TNFAIP8L3: variants seen among roughly 807,000 people sequenced by gnomAD.
The protein encoded by TNFAIP8L3 is tumor necrosis factor alpha-induced protein 8-like protein 3.
Under a neutral mutation model 11.8 loss-of-function variants are expected in TNFAIP8L3, and 7 were observed. That is an observed-to-expected ratio of 0.59 (90% confidence interval 0.34 to 1.11). The LOEUF (loss-of-function observed/expected upper bound fraction) is 1.11. Ranked by LOEUF, TNFAIP8L3 falls within the 50% of genes most tolerant of loss-of-function variation. The probability of loss-of-function intolerance (pLI) is 0.03; values close to 1 mark genes in which losing one functional copy is unlikely to be tolerated. For missense variants in TNFAIP8L3, 219 were observed against 258.6 expected (o/e 0.85, Z 1.05); for synonymous variants, 98 against 103.8 (o/e 0.94, Z 0.34).
intron 1 of TNFAIP8L3, among the ~76,000 whole-genome samples, chr15:51,060,052 A>G (rs1124769): frequency 0.17 from 25,804 of 152,268 alleles, 2,895 homozygotes; most frequent in East Asian, 0.44. Context: ...TAAGAGGAAT[A>G]AACACTCATT....
At chr15:51,091,676 GCACAC>G (rs2065470970) in intron 1 of TNFAIP8L3, among the ~76,000 whole-genome samples, 1 of 144,014 alleles carries the variant, frequency 6.9e-6, no homozygotes, top group Non-Finnish European at 1.5e-5. Context: ...ACCTCCTCAA[GCACAC>G]ACACACACAC....
At chr15:51,071,037 C>T (rs1457753258) in intron 1 of TNFAIP8L3, among the ~76,000 whole-genome samples, 2 of 109,766 alleles carry the variant, frequency 1.8e-5, no homozygotes, top group East Asian at 2.7e-4. Context: ...GGCGACAGAG[C>T]GAGACTCCGT....
rs934432314 is a variant in TNFAIP8L3, at chr15:51,057,434, T to G, written c.*447A>C. ...GACTTTAAATTAGAGATTCCAAAAG[T>G]ATGAACATACATCATCTCATCTGGT... On this transcript the variant is annotated 3_prime_UTR_variant, in exon 2 of 2. Coordinates refer to ENST00000637513, the MANE Select transcript of TNFAIP8L3 (RefSeq NM_001311175.2). 2 of 156,464 alleles carry G rather than the reference T, an allele frequency of 1.3e-5. No individual in the cohort carries two copies. Among genetic ancestry groups the G allele is most frequent in the Non-Finnish European group, 2.8e-5 (2 of 70,716 alleles). The allele number at this position is 156,464 out of a possible 1,614,324, so 9.7% of individuals were successfully genotyped here.
chr15:51,070,874 G>A (rs1224195213), intron 1 of TNFAIP8L3, among the ~76,000 whole-genome samples: 4 of 142,258 alleles, frequency 2.8e-5, no homozygotes, highest in Non-Finnish European at 4.7e-5. Context: ...GTGAAACCCC[G>A]TCTCTACTAA....
intron 1 of TNFAIP8L3, among the ~76,000 whole-genome samples, chr15:51,087,598 C>T (rs2065438814): frequency 6.8e-6 from 1 of 147,084 alleles, no homozygotes; most frequent in Admixed American, 6.6e-5. Context: ...CAGTGGCTGC[C>T]CCTGTGGTTT....
At chr15:51,076,968 C>T (rs925223472) in intron 1 of TNFAIP8L3, among the ~76,000 whole-genome samples, 1 of 152,160 alleles carries the variant, frequency 6.6e-6, no homozygotes, top group Admixed American at 6.5e-5. Flanking sequence ...CCGCGTTCCT[C>T]CTCTCCCGTG....
At chr15:51,083,715 G>A (rs2065407964) in intron 1 of TNFAIP8L3, among the ~76,000 whole-genome samples, 1 of 152,242 alleles carries the variant, frequency 6.6e-6, no homozygotes, top group Non-Finnish European at 1.5e-5. Flanking sequence ...GGCCAGGTGG[G>A]CTCAGAGCAG....
chr15:51,096,495 C>A (rs1303645877), upstream of TNFAIP8L3, among the ~76,000 whole-genome samples: 1 of 152,122 alleles, frequency 6.6e-6, no homozygotes, highest in Non-Finnish European at 1.5e-5. Context: ...CAATGCCTGG[C>A]ACACAGTGAA....
chr15:51,067,876 T>C (rs1158273041), intron 1 of TNFAIP8L3, among the ~76,000 whole-genome samples: 5 of 152,198 alleles, frequency 3.3e-5, no homozygotes, highest in Admixed American at 2.0e-4. Context: ...ACAATTATCC[T>C]TCCTCTTGAC....
chr15:51,069,434 A>AT (rs1290089481), intron 1 of TNFAIP8L3: 2 of 152,240 alleles, frequency 1.3e-5, no homozygotes, highest in Non-Finnish European at 2.9e-5. Flanking sequence ...ACATTGAATA[A>AT]TTACACTTGA....
chr15:51,075,825 T>C (rs981674316), intron 1 of TNFAIP8L3, among the ~76,000 whole-genome samples: 1 of 152,222 alleles, frequency 6.6e-6, no homozygotes, highest in Non-Finnish European at 1.5e-5. Flanking sequence ...GGACTGAGGC[T>C]ACTGGAAGGT....
chr15:51,057,387 C>T lies in TNFAIP8L3; in HGVS notation c.*494G>A, dbSNP rs916722733. The T allele has an allele frequency of 1.3e-5, 2 of 154,164 alleles. No homozygotes were observed. The highest frequency in any genetic ancestry group is 4.8e-5 in the African/African-American group (2 of 41,462). 9.5% of individuals were successfully genotyped at this position (154,164 alleles called of 1,614,324 possible). On this transcript the variant is annotated 3_prime_UTR_variant, in exon 2 of 2. Transcript: ENST00000637513. Reference sequence around the variant, plus strand: ...GTCTACATCCAGGTTTATCCCCTCACACTCAGAAGACAAAATATTAAGACT... The same window carrying T: ...GTCTACATCCAGGTTTATCCCCTCATACTCAGAAGACAAAATATTAAGACT...
intron 1 of TNFAIP8L3, chr15:51,104,947 G>A: frequency 6.2e-7 from 1 of 1,608,426 alleles, no homozygotes; most frequent in Non-Finnish European, 8.5e-7. Flanking sequence ...TGCATGCTTT[G>A]CACAAGCCTC....
At chr15:51,103,513 T>C (rs148182260) in intron 1 of TNFAIP8L3, among the ~76,000 whole-genome samples, 105 of 152,360 alleles carry the variant, frequency 6.9e-4, no homozygotes, top group African/African-American at 2.4e-3. Context: ...CTTGCCAAAT[T>C]TGTGTTATCT....
At chr15:51,089,205 A>G in intron 1 of TNFAIP8L3, among the ~76,000 whole-genome samples, 1 of 152,034 alleles carries the variant, frequency 6.6e-6, no homozygotes, top group East Asian at 1.9e-4. Context: ...TAGCAAACCA[A>G]CCCACAACAC....
chr15:51,056,867 C>T lies in TNFAIP8L3; in HGVS notation c.*1014G>A, dbSNP rs1330902629. The stretch of plus-strand genomic sequence containing the variant: ...CCCTCTGCAGGATCATCAACCTGAA[C>T]ATCTAAGACCTCAAAAACACCTCTT... On this transcript the variant is annotated 3_prime_UTR_variant, in exon 2 of 2. Coordinates refer to ENST00000637513, the MANE Select transcript of TNFAIP8L3 (RefSeq NM_001311175.2). 6.6e-6 allele frequency: 1 copy of T among 151,982 alleles called. No homozygotes were observed. Among genetic ancestry groups the T allele is most frequent in the Non-Finnish European group, 1.5e-5 (1 of 68,004 alleles). 9.4% of individuals were successfully genotyped at this position (151,982 alleles called of 1,614,324 possible).
chr15:51,085,993 T>A (rs924625782), intron 1 of TNFAIP8L3, among the ~76,000 whole-genome samples: 1 of 152,142 alleles, frequency 6.6e-6, no homozygotes, highest in African/African-American at 2.4e-5. Context: ...CAGACCTGAG[T>A]CATCCAGCTC....
chr15:51,070,163 C>T (rs1280127773), intron 1 of TNFAIP8L3, among the ~76,000 whole-genome samples: 1 of 152,206 alleles, frequency 6.6e-6, no homozygotes, highest in African/African-American at 2.4e-5. Flanking sequence ...GATAATTTTA[C>T]TTACCAGAGC....
upstream of TNFAIP8L3, among the ~76,000 whole-genome samples, chr15:51,099,464 G>A (rs1465160102): frequency 6.6e-6 from 1 of 152,054 alleles, no homozygotes; most frequent in Admixed American, 6.6e-5. Context: ...AGAAGAGAAA[G>A]AGAGAGAGAG....
Sources: allele counts gnomAD v4.1 joint callset (sites outside exome capture counted in the v4.1 genomes callset), GRCh38; gene constraint gnomAD v4.1.1; transcripts MANE v1.5; gene names NCBI Gene and HGNC (gene_info 2026-07-23, HGNC 2026-07-21).